The following HROB variants were observed in gnomAD, a reference collection of about 807,000 sequenced individuals.
HROB encodes homologous recombination factor with OB-fold.
Under a neutral mutation model 61.0 loss-of-function variants are expected in HROB, and 44 were observed. The observed-to-expected ratio is 0.72, with a 90% confidence interval of 0.57 to 0.93. The LOEUF is 0.93. HROB is among the 40% of genes least tolerant of loss of function. HROB has a pLI of 0.00. For synonymous variants in HROB, 301 were observed against 310.4 expected (o/e 0.97, Z 0.32); for missense variants, 716 against 796.2 (o/e 0.90, Z 1.21).
rs568468897 is a variant in HROB, at chr17:44,147,842, C to T, written c.55-16C>T. ...ATTTCCAGATGCCAAGACCTACCATCTCTGCTTCCTTGTAGGATTTCTTGT... is the reference window on the plus strand; with the variant it reads ...ATTTCCAGATGCCAAGACCTACCATTTCTGCTTCCTTGTAGGATTTCTTGT... On this transcript the variant is annotated splice_polypyrimidine_tract_variant and intron_variant, in intron 2 of 9. Coordinates refer to ENST00000585683, the MANE Select transcript of HROB (RefSeq NM_001171251.3). 1.2e-6 allele frequency: 2 copies of T among 1,602,492 alleles called. No individual in the cohort carries two copies. Among genetic ancestry groups the T allele is most frequent in the African/African-American group, 1.3e-5 (1 of 74,746 alleles).
intron 9 of HROB, among the ~76,000 whole-genome samples, chr17:44,159,558 T>G (rs2054069797): frequency 6.6e-6 from 1 of 151,306 alleles, no homozygotes; most frequent in Admixed American, 6.6e-5. Flanking sequence ...ATGCGTGGAG[T>G]CCGGTAGTGG....
chr17:44,153,157 AAAG>A (rs922115576), intron 5 of HROB, among the ~76,000 whole-genome samples: 2 of 152,178 alleles, frequency 1.3e-5, no homozygotes, highest in African/African-American at 2.4e-5. Context: ...CATATAAACA[AAAG>A]AAAGTGCTGG....
intron 2 of HROB, among the ~76,000 whole-genome samples, chr17:44,147,046 T>TGA (rs138789213): frequency 0.034 from 4,299 of 127,444 alleles, 102 homozygotes; most frequent in East Asian, 0.099. Context: ...TGTGTGTGTG[T>TGA]GTGAGAGAGA....
chr17:44,150,617 C>T (rs1445950583), intron 3 of HROB, among the ~76,000 whole-genome samples: 1 of 152,126 alleles, frequency 6.6e-6, no homozygotes, highest in African/African-American at 2.4e-5. Context: ...TCTCGAACTC[C>T]TGACCTCAGG....
chr17:44,154,030 G>A (rs1296694130), intron 5 of HROB, among the ~76,000 whole-genome samples: 1 of 150,914 alleles, frequency 6.6e-6, no homozygotes, highest in African/African-American at 2.4e-5. Flanking sequence ...CTGGGCGACA[G>A]AGCGAGACTC....
chr17:44,158,481 T>C (rs1317759701), intron 9 of HROB, among the ~76,000 whole-genome samples: 3 of 152,144 alleles, frequency 2.0e-5, no homozygotes, highest in African/African-American at 4.8e-5. Flanking sequence ...TTTAGCTTTT[T>C]TTACTTTAAT....
At chr17:44,160,508 C>T (rs984924302) in intron 9 of HROB, among the ~76,000 whole-genome samples, 1 of 152,136 alleles carries the variant, frequency 6.6e-6, no homozygotes, top group Admixed American at 6.5e-5. Flanking sequence ...GCGGAGCTTC[C>T]AGTGAGCCGA....
At chr17:44,154,444 CTA>C (rs2144034243) in intron 5 of HROB, 110 bp from the exon 6 acceptor site, 3 of 939,326 alleles carry the variant, frequency 3.2e-6, no homozygotes, top group Non-Finnish European at 5.2e-6. Flanking sequence ...AAGATCATCA[CTA>C]TAACTATACT....
In HROB at chr17:44,162,090, C is replaced by G; in HGVS notation, c.*158C>G. On this transcript the variant is annotated 3_prime_UTR_variant, in exon 10 of 10. Coordinates refer to ENST00000585683, the MANE Select transcript of HROB (RefSeq NM_001171251.3). ...ACCCTGGGTGTTTTCCCTGAGAGCC[C>G]CCTCATCTCTGCGCTGCCCTCACTT... is the stretch of plus-strand genomic sequence containing the variant. 1.4e-6 allele frequency: 1 copy of G among 731,716 alleles called. No homozygotes were observed. Among genetic ancestry groups the G allele is most frequent in the Non-Finnish European group, 2.2e-6 (1 of 452,262 alleles). The allele number at this position is 731,716 out of a possible 1,614,324, so 45.3% of individuals were successfully genotyped here.
In HROB at chr17:44,148,104, C is replaced by G. The variant is rs767844963; in HGVS notation, c.301C>G (p.Leu101Val). 1.9e-6 allele frequency: 3 copies of G among 1,614,198 alleles called. No homozygotes were observed. Among genetic ancestry groups the G allele is most frequent in the South Asian group, 2.2e-5 (2 of 91,090 alleles). Residue 101 changes from leucine to valine, a missense_variant, in exon 3 of 10, where the codon CTA (leucine) becomes GTA (valine). Transcript: ENST00000585683. ...TCCATCATGCATAGGAGCAGCTCCC[C>G]TAAGGCCTGTCTCTACTTCCAGCAG... ...SRPSCIGAAP[L>V]RPVSTSSSWI...
chr17:44,142,199 G>T, intron 1 of HROB, 54 bp downstream of exon 1: 2 of 1,473,358 alleles, frequency 1.4e-6, no homozygotes, highest in South Asian at 1.3e-5. Context: ...CCTGGCCTCC[G>T]GAACTGCTCA....
At position 44,148,548 on chromosome 17, in the gene HROB, G is replaced by C; in HGVS notation, c.745G>C (p.Gly249Arg). 6.2e-7 allele frequency: 1 copy of C among 1,614,002 alleles called. No homozygotes were observed. Among genetic ancestry groups the C allele is most frequent in the South Asian group, 1.1e-5 (1 of 91,070 alleles). ...PRPPLRPGAV[G>R]HLPVPTALTV... is the part of the protein sequence containing the mutation. The stretch of plus-strand genomic sequence containing the variant: ...ACCCCCCTTGAGACCTGGTGCTGTG[G>C]GTCACCTTCCTGTTCCAACTGCCTT... Residue 249 changes from glycine to arginine, a missense_variant, in exon 3 of 10, where the codon GGT (glycine) becomes CGT (arginine). Physicochemically the swap from Gly to Arg is moderately radical, Grantham distance 125 (BLOSUM62 -2). Transcript: ENST00000585683.
chr17:44,154,276 A>T, intron 5 of HROB: 1 of 342,364 alleles, frequency 2.9e-6, no homozygotes, highest in South Asian at 3.7e-5. Flanking sequence ...CAGAAGGTGG[A>T]GGTTGCAGTG....
intron 2 of HROB, among the ~76,000 whole-genome samples, chr17:44,145,579 C>A (rs1024417373): frequency 2.6e-5 from 4 of 152,210 alleles, no homozygotes; most frequent in Admixed American, 2.6e-4. Context: ...GAGCCAGAAC[C>A]ATGTAAGAGA....
intron 9 of HROB, among the ~76,000 whole-genome samples, chr17:44,159,172 C>T (rs921597530): frequency 1.4e-4 from 21 of 152,126 alleles, no homozygotes; most frequent in African/African-American, 5.1e-4. Context: ...GAAACCTACC[C>T]AGGTGCCGAG....
At chr17:44,154,985 C>T in intron 7 of HROB, 47 bp downstream of exon 7, 2 of 1,581,102 alleles carry the variant, frequency 1.3e-6, no homozygotes, top group South Asian at 1.1e-5. Context: ...ATAGAGCCCT[C>T]AGTGTCTGTC....
chr17:44,148,784 C>T lies in HROB; in HGVS notation c.981C>T (p.Pro327=). 1 of 1,614,210 alleles carries T rather than the reference C, an allele frequency of 6.2e-7. No individual in the cohort carries two copies. The highest frequency in any genetic ancestry group is 8.5e-7 in the Non-Finnish European group (1 of 1,180,034). The change falls in exon 3 of 10, where the codon CCC becomes CCT. Residue 327 remains proline (P), a synonymous_variant. Coordinates refer to ENST00000585683, the MANE Select transcript of HROB (RefSeq NM_001171251.3). ...PRTPNSSCST[P]SRTSSGLFPR... ...CTCCCAACTCAAGCTGTTCTACTCC[C>T]TCAAGGACTAGCTCTGGATTATTTC...
Position 44,154,907 on chromosome 17 carries a change from T to C in HROB, c.1613T>C (p.Leu538Pro), listed in dbSNP as rs1438971414. ...RLLLETCQNELKPGSVLLLKQ... is the reference protein window; with the variant it reads ...RLLLETCQNEPKPGSVLLLKQ... The stretch of plus-strand genomic sequence containing the variant: ...CTGCTGGAGACGTGCCAGAATGAGC[T>C]GAAGCCTGGCTCAGTGCTGCTGCTG... The change falls in exon 7 of 10, where the codon CTG (leucine) becomes CCG (proline). Residue 538 changes from leucine to proline, a missense_variant. Coordinates refer to ENST00000585683, the MANE Select transcript of HROB (RefSeq NM_001171251.3). The C allele has an allele frequency of 6.2e-7, 1 of 1,613,888 alleles. No homozygotes were observed.
chr17:44,144,179 C>T (rs980980620), intron 1 of HROB, among the ~76,000 whole-genome samples: 10 of 151,630 alleles, frequency 6.6e-5, no homozygotes, highest in Non-Finnish European at 4.4e-5. Flanking sequence ...CTTGCCCTGT[C>T]GCCCAGGCTG....
Sources: allele counts gnomAD v4.1 joint callset (sites outside exome capture counted in the v4.1 genomes callset), GRCh38; gene constraint gnomAD v4.1.1; transcripts MANE v1.5; gene names NCBI Gene and HGNC (gene_info 2026-07-23, HGNC 2026-07-21).